Variants in EXOC6 observed in about 807,000 individuals in gnomAD.
EXOC6 encodes the protein SEC15-like 1.
In EXOC6, 60 loss-of-function variants were observed where a neutral mutation model predicts 112.5. The observed-to-expected ratio is 0.53, with a 90% confidence interval of 0.43 to 0.66. The LOEUF is 0.66. Ranked by LOEUF, EXOC6 falls within the 30% of genes least tolerant of loss-of-function variation. The probability of loss-of-function intolerance (pLI) is 0.00; values close to 1 mark genes in which losing one functional copy is unlikely to be tolerated. For missense variants in EXOC6, 855 were observed against 957.1 expected, an observed-to-expected ratio of 0.89 and a Z score of 1.41; for synonymous variants, 295 against 308.0, an observed-to-expected ratio of 0.96 and a Z score of 0.44.
intron 20 of EXOC6, among the ~76,000 whole-genome samples, chr10:93,040,065 T>A (rs973592026): frequency 6.6e-6 from 1 of 152,210 alleles, no homozygotes; most frequent in Non-Finnish European, 1.5e-5. Flanking sequence ...TCTATCACCA[T>A]CAACCTCTCA....
intron 20 of EXOC6, among the ~76,000 whole-genome samples, chr10:93,025,700 A>G (rs1844997681): frequency 6.6e-6 from 1 of 152,230 alleles, no homozygotes; most frequent in Admixed American, 6.5e-5. Flanking sequence ...GGAATTTTAA[A>G]TGTGCAAAAT....
chr10:92,996,540 C>T (rs918877428), intron 18 of EXOC6, among the ~76,000 whole-genome samples: 9 of 151,666 alleles, frequency 5.9e-5, no homozygotes, highest in African/African-American at 2.2e-4. Flanking sequence ...TGGTGTGAAC[C>T]CAGGAGGCAG....
intron 1 of EXOC6, among the ~76,000 whole-genome samples, chr10:92,853,991 G>C (rs1847473271): frequency 7.4e-6 from 1 of 135,904 alleles, no homozygotes; most frequent in Non-Finnish European, 1.5e-5. Context: ...CTGGGCAACA[G>C]AGTGAGTCCC....
At chr10:92,886,056 A>G (rs1380969332) in intron 1 of EXOC6, among the ~76,000 whole-genome samples, 1 of 152,178 alleles carries the variant, frequency 6.6e-6, no homozygotes, top group African/African-American at 2.4e-5. Context: ...GACTGAAAGA[A>G]CGAAAAATTA....
chr10:92,932,207 A>G (rs895212341), intron 9 of EXOC6, among the ~76,000 whole-genome samples: 1 of 152,226 alleles, frequency 6.6e-6, no homozygotes, highest in African/African-American at 2.4e-5. Context: ...GTAAAGTTAT[A>G]TATAATATGA....
chr10:92,940,551 T>C (rs1397005293), intron 12 of EXOC6, among the ~76,000 whole-genome samples, 176 bp from the exon 13 acceptor site: 1 of 152,146 alleles, frequency 6.6e-6, no homozygotes, highest in African/African-American at 2.4e-5. Flanking sequence ...TGAACCTCTT[T>C]TTTTACCGAA....
At chr10:92,917,533 CT>C (rs11295643) in intron 7 of EXOC6, among the ~76,000 whole-genome samples, 61,778 of 139,184 alleles carry the variant, frequency 0.44, 14,386 homozygotes, top group African/African-American at 0.63. Flanking sequence ...TTTTTTCTTT[CT>C]TTTTTTTTTT....
chr10:93,002,875 A>G (rs1843818819), intron 19 of EXOC6, among the ~76,000 whole-genome samples: 1 of 152,140 alleles, frequency 6.6e-6, no homozygotes, highest in Admixed American at 6.5e-5. Flanking sequence ...TTTCTCTTGA[A>G]GACTCTCAGA....
intron 19 of EXOC6, among the ~76,000 whole-genome samples, chr10:93,013,663 C>T (rs1844362916): frequency 1.3e-5 from 2 of 152,166 alleles, no homozygotes; most frequent in African/African-American, 2.4e-5. Flanking sequence ...GACATTCCTG[C>T]ATCATCCTGA....
At chr10:92,842,036 CAA>C (rs541658192) in intron 1 of EXOC6, among the ~76,000 whole-genome samples, 1 of 145,354 alleles carries the variant, frequency 6.9e-6, no homozygotes, top group Non-Finnish European at 1.5e-5. Context: ...AGAAATACAC[CAA>C]AAAAAAAAGT....
rs563810602 is a variant in EXOC6, at chr10:93,019,104, G to T, written c.2169+4837G>T. 1.5e-4 allele frequency among the ~76,000 whole-genome samples: 23 copies of T among 151,870 alleles called. No homozygotes were observed. The South Asian group carries it at 2.3e-3, about 15-fold the overall frequency. On this transcript the variant is annotated intron_variant, in intron 20 of 21. Transcript: ENST00000260762. ...ATGTTAATCTATGTATTTATTTATT[G>T]ATTGATTTATTTATTTTGAGACCAG...
intron 20 of EXOC6, among the ~76,000 whole-genome samples, chr10:93,039,049 T>C (rs1371456838): frequency 6.6e-6 from 1 of 152,172 alleles, no homozygotes; most frequent in African/African-American, 2.4e-5. Flanking sequence ...CCGGTCATGG[T>C]GGCTCATGCC....
intron 18 of EXOC6, among the ~76,000 whole-genome samples, chr10:92,993,396 A>G (rs1564893665): frequency 6.6e-6 from 1 of 152,198 alleles, no homozygotes; most frequent in Non-Finnish European, 1.5e-5. Flanking sequence ...ACATTTTAAC[A>G]TTAAATGTAC....
Position 92,929,426 on chromosome 10 carries a change from A to G in EXOC6, c.972+1004A>G, listed in dbSNP as rs149824450. ...CCAAGTGCCTGGCAGAAGCAAATAC[A>G]GATCTCTGCACCTTCATTCCAGAGT... On this transcript the variant is annotated intron_variant, in intron 9 of 21. Transcript: ENST00000260762. Among the ~76,000 whole-genome samples the G allele has an allele frequency of 2.0e-5, 3 of 152,344 alleles. No homozygotes were observed. In the East Asian group the frequency reaches 5.8e-4, roughly 29 times the overall value.
chr10:92,974,122 C>T lies in EXOC6; in HGVS notation c.1843C>T (p.Leu615Phe). 1 of 1,604,084 alleles carries T rather than the reference C, an allele frequency of 6.2e-7. No homozygotes were observed. The highest frequency in any genetic ancestry group is 8.5e-7 in the Non-Finnish European group (1 of 1,177,672). ...LNQKIDEFVQ[L>F]ADYDWTMSEP... Reference sequence around the variant, plus strand: ...TCAAAAAATTGATGAATTTGTTCAGCTTGCTGATTATGACTGGACAATGTC... The same window carrying T: ...TCAAAAAATTGATGAATTTGTTCAGTTTGCTGATTATGACTGGACAATGTC... The change falls in exon 18 of 22, where the codon CTT (leucine) becomes TTT (phenylalanine). Residue 615 changes from leucine (L) to phenylalanine (F), a missense_variant. By Grantham distance (22) the Leu-to-Phe change is conservative. Around this residue, in one of 2 missense-constraint regions of EXOC6, gnomAD observed 450 missense variants for 563.5 expected, o/e 0.80. Coordinates refer to ENST00000260762, the MANE Select transcript of EXOC6 (RefSeq NM_019053.6).
chr10:92,996,420 A>G (rs547587031), intron 18 of EXOC6, among the ~76,000 whole-genome samples: 1 of 152,282 alleles, frequency 6.6e-6, no homozygotes, highest in South Asian at 2.1e-4. Flanking sequence ...GATCGAGACC[A>G]TCCTGGCTAA....
upstream of EXOC6, among the ~76,000 whole-genome samples, chr10:92,833,341 T>C (rs1846553252): frequency 6.6e-6 from 1 of 152,248 alleles, no homozygotes; most frequent in South Asian, 2.1e-4. Context: ...CTATCTCATG[T>C]AGCTCTCAGG....
chr10:93,028,162 G>A (rs1007119778), intron 20 of EXOC6, among the ~76,000 whole-genome samples: 59 of 152,150 alleles, frequency 3.9e-4, no homozygotes, highest in African/African-American at 1.3e-3. Context: ...GCCAAGCATG[G>A]TGGTGCTTGC....
At chr10:92,965,428 A>G (rs930301422) in intron 17 of EXOC6, among the ~76,000 whole-genome samples, 1 of 152,142 alleles carries the variant, frequency 6.6e-6, no homozygotes, top group East Asian at 1.9e-4. Context: ...TTTCCTTAAC[A>G]AACAAAGGAA....
Sources: allele counts gnomAD v4.1 joint callset (sites outside exome capture counted in the v4.1 genomes callset), GRCh38; gene constraint gnomAD v4.1.1; regional missense constraint gnomAD v4.1.1; transcripts MANE v1.5; gene names NCBI Gene and HGNC (gene_info 2026-07-23, HGNC 2026-07-21).